UNC79: variants seen among roughly 807,000 people sequenced by gnomAD.
The protein encoded by UNC79 is unc-79 subunit of NALCN channel complex, also known as protein unc-79 homolog.
UNC79 carries 37 observed loss-of-function variants against 283.1 expected under a neutral mutation model. That is an observed-to-expected ratio of 0.13 (90% CI 0.10 to 0.17). UNC79 has a LOEUF of 0.17. Among genes scored for constraint, UNC79 ranks in the 10% least tolerant of loss-of-function variants. The pLI is 1.00. For missense variants in UNC79, 2,272 were observed against 3,211.1 expected (o/e 0.71, Z 7.07); for synonymous variants, 1,107 against 1,200.2 (o/e 0.92, Z 1.61).
At chr14:93,501,968 A>G (rs1344556391) in intron 7 of UNC79, among the ~76,000 whole-genome samples, 1 of 152,248 alleles carries the variant, frequency 6.6e-6, no homozygotes, top group African/African-American at 2.4e-5. Context: ...TAGGAATTAT[A>G]TATTATTTTC....
At chr14:93,589,368 GA>G (rs969746060) in intron 22 of UNC79, among the ~76,000 whole-genome samples, 1 of 152,080 alleles carries the variant, frequency 6.6e-6, no homozygotes, top group Admixed American at 6.6e-5. Flanking sequence ...GATGAAGCCA[GA>G]AAAATTGATA....
At chr14:93,354,196 G>A (rs1310102471) in intron 1 of UNC79, among the ~76,000 whole-genome samples, 1 of 152,208 alleles carries the variant, frequency 6.6e-6, no homozygotes, top group Non-Finnish European at 1.5e-5. Context: ...GGTTTTGAGT[G>A]AGAAGGAAAG....
chr14:93,639,917 TG>T (rs2068864439), intron 32 of UNC79, among the ~76,000 whole-genome samples: 1 of 152,252 alleles, frequency 6.6e-6, no homozygotes, highest in Non-Finnish European at 1.5e-5. Context: ...ACCGGGTTTT[TG>T]TTTGCTTGTT....
Position 93,474,953 on chromosome 14 carries a change from A to G in UNC79, c.448+560A>G, listed in dbSNP as rs2057715700. Among the ~76,000 whole-genome samples, 1 of 152,214 alleles carries G rather than the reference A, an allele frequency of 6.6e-6. No individual in the cohort carries two copies. On this transcript the variant is annotated intron_variant, in intron 3 of 48. Transcript: ENST00000555664. This position sits in a 1 kb window ranked among gnomAD's most constrained non-coding sequence, Gnocchi z 4.1. ...GTATCAAAATGTAGATATAGTATATAGTGGCGCTGTATGCTGTATTCAGCA... is the reference window on the plus strand; with the variant it reads ...GTATCAAAATGTAGATATAGTATATGGTGGCGCTGTATGCTGTATTCAGCA...
intron 1 of UNC79, among the ~76,000 whole-genome samples, chr14:93,336,952 C>T (rs1223081972): frequency 2.0e-5 from 3 of 152,104 alleles, no homozygotes; most frequent in African/African-American, 4.8e-5. Flanking sequence ...ACACTATCCC[C>T]TTGTGATGGT....
chr14:93,698,815 C>T (rs1041558259), intron 47 of UNC79, among the ~76,000 whole-genome samples: 2 of 152,006 alleles, frequency 1.3e-5, no homozygotes, highest in South Asian at 2.1e-4. Flanking sequence ...TGGATATGTT[C>T]GTTATCTTGA....
chr14:93,660,938 C>T (rs537438585), intron 39 of UNC79, among the ~76,000 whole-genome samples: 2 of 152,146 alleles, frequency 1.3e-5, no homozygotes, highest in South Asian at 2.1e-4. Flanking sequence ...ATCATTAGTA[C>T]TAAGTCTGTG....
intron 1 of UNC79, among the ~76,000 whole-genome samples, chr14:93,431,263 G>T (rs2055865428): frequency 6.6e-6 from 1 of 151,850 alleles, no homozygotes; most frequent in African/African-American, 2.4e-5. Context: ...AAATAATACG[G>T]TCTTCCTCGG....
chr14:93,335,903 A>G (rs1485025744), intron 1 of UNC79, among the ~76,000 whole-genome samples: 1 of 152,186 alleles, frequency 6.6e-6, no homozygotes, highest in African/African-American at 2.4e-5. Context: ...AAAACAGTGA[A>G]CTTCTGTGGC....
chr14:93,694,461 A>G (rs762555917), intron 47 of UNC79, 49 bp downstream of exon 50: 10 of 1,520,848 alleles, frequency 6.6e-6, no homozygotes, highest in Non-Finnish European at 9.1e-6. Context: ...TGCTAAAAAC[A>G]AATGTGGATT....
chr14:93,574,945 C>A (rs2141651727), intron 16 of UNC79, 113 bp from the exon 17 acceptor site: 4 of 1,137,900 alleles, frequency 3.5e-6, no homozygotes, highest in Non-Finnish European at 4.9e-6. Flanking sequence ...ACGTGTAAGG[C>A]TAATTATCCT....
intron 7 of UNC79, among the ~76,000 whole-genome samples, chr14:93,511,364 C>G (rs1391976824): frequency 6.6e-6 from 1 of 152,156 alleles, no homozygotes; most frequent in Non-Finnish European, 1.5e-5. Flanking sequence ...TTTTGCAAAT[C>G]TCCTTTATAT....
chr14:93,588,675 A>G (rs1360712118), intron 22 of UNC79, among the ~76,000 whole-genome samples: 1 of 137,154 alleles, frequency 7.3e-6, no homozygotes, highest in African/African-American at 2.7e-5. Context: ...CGGGAGGTGG[A>G]GCTTGCAGTG....
chr14:93,418,458 C>T lies in UNC79; in HGVS notation c.-350-49213C>T, dbSNP rs1161055945. ...GGGGGTGCCTCCCAGTTAGGCTGCT[C>T]GGGGGTCAGGAGTCAGGGACCCACT... On this transcript the variant is annotated intron_variant, in intron 1 of 49. Coordinates refer to the UNC79 transcript ENST00000256339. Among the ~76,000 whole-genome samples the T allele has an allele frequency of 4.0e-5, 6 of 151,538 alleles. 1 individual carries two copies. The highest frequency in any genetic ancestry group is 4.3e-4 in the South Asian group (2 of 4,660).
At chr14:93,580,017 A>G (rs145342635) in intron 18 of UNC79, 132 bp from the exon 19 acceptor site, 9 of 773,418 alleles carry the variant, frequency 1.2e-5, no homozygotes, top group Admixed American at 2.9e-5. Flanking sequence ...AAATAATTCA[A>G]TATTTCTGTC....
At chr14:93,394,661 C>T (rs1315190077) in intron 1 of UNC79, among the ~76,000 whole-genome samples, 1 of 152,052 alleles carries the variant, frequency 6.6e-6, no homozygotes. Context: ...CCCTCCTCAG[C>T]CTCCCAAAGT....
At chr14:93,546,609 T>C (rs2061615919) in intron 14 of UNC79, among the ~76,000 whole-genome samples, 1 of 152,240 alleles carries the variant, frequency 6.6e-6, no homozygotes, top group East Asian at 1.9e-4. Flanking sequence ...TATTGTGAGT[T>C]ATAGATAGCT....
At position 93,462,789 on chromosome 14, in the gene UNC79, T is replaced by A. The variant is rs528179925; in HGVS notation, c.23-4882T>A. 3.6e-3 allele frequency among the ~76,000 whole-genome samples: 553 copies of A among 152,246 alleles called. 5 individuals are homozygous for A. The highest frequency in any genetic ancestry group is 0.013 in the African/African-American group (532 of 41,528). ...TGCTTTGCTTGAGTGACTTGGTGGG[T>A]TACACAGATGGTGGAGTAGGTTTCT... On this transcript the variant is annotated intron_variant, in intron 1 of 48. Transcript: ENST00000555664.
intron 47 of UNC79, among the ~76,000 whole-genome samples, chr14:93,699,174 T>C (rs2075358437): frequency 6.6e-6 from 1 of 152,240 alleles, no homozygotes; most frequent in Non-Finnish European, 1.5e-5. Context: ...TAGATCATTT[T>C]CATTTAATGT....
Sources: allele counts gnomAD v4.1 joint callset (sites outside exome capture counted in the v4.1 genomes callset), GRCh38; gene constraint gnomAD v4.1.1; non-coding constraint Gnocchi (gnomAD v3.1); transcripts MANE v1.5; gene names NCBI Gene and HGNC (gene_info 2026-07-23, HGNC 2026-07-21).